TLCD3B: variants seen among roughly 807,000 people sequenced by gnomAD.
TLCD3B encodes the protein TLC domain containing 3B, also known as ceramide synthase.
A neutral mutation model predicts 23.0 loss-of-function variants in TLCD3B; 9 were observed. That is an observed-to-expected ratio of 0.39 (90% confidence interval 0.24 to 0.68). TLCD3B has a LOEUF of 0.68. Among genes scored for constraint, TLCD3B ranks in the 30% least tolerant of loss-of-function variants. The pLI is 0.44. For missense variants in TLCD3B, 307 were observed against 371.8 expected (o/e 0.83, Z 1.43); for synonymous variants, 161 against 161.0 (o/e 1.00, Z 0.00).
chr16:30,045,085 T>A (rs2071639414), intron 2 of TLCD3B, among the ~76,000 whole-genome samples: 1 of 66,778 alleles, frequency 1.5e-5, no homozygotes, highest in Non-Finnish European at 2.6e-5. Context: ...AAAGCAAGAC[T>A]CCATCTCAAA....
At chr16:30,032,466 C>T (rs940786769), upstream of TLCD3B, among the ~76,000 whole-genome samples, 1 of 152,042 alleles carries the variant, frequency 6.6e-6, no homozygotes, top group Non-Finnish European at 1.5e-5. Flanking sequence ...GATTTAGAGA[C>T]GGTTGTAGAG....
chr16:30,038,023 C>T (rs1399110960), intron 3 of TLCD3B, among the ~76,000 whole-genome samples: 1 of 152,200 alleles, frequency 6.6e-6, no homozygotes, highest in Non-Finnish European at 1.5e-5. Flanking sequence ...AGGGAACCTT[C>T]TGAAGTGTTG....
At chr16:30,035,763 T>TC (rs202157144), upstream of TLCD3B, among the ~76,000 whole-genome samples, 1 of 127,020 alleles carries the variant, frequency 7.9e-6, no homozygotes, top group Non-Finnish European at 1.7e-5. Context: ...TCTTTTCTTT[T>TC]TTCTTTTTTT....
chr16:30,041,490 C>A (rs1188837965), intron 2 of TLCD3B, among the ~76,000 whole-genome samples: 3 of 152,064 alleles, frequency 2.0e-5, no homozygotes, highest in Admixed American at 6.6e-5. Context: ...GGTCTGAACT[C>A]CTGACCTCAA....
Position 30,029,525 on chromosome 16 carries a change from A to C in TLCD3B, c.126-10T>G. The C allele has an allele frequency of 1.2e-6, 2 of 1,611,654 alleles. No individual in the cohort carries two copies. Among genetic ancestry groups the C allele is most frequent in the Non-Finnish European group, 1.7e-6 (2 of 1,178,216 alleles). ...GACAGAGGACACCAGCCTGGGGGAG[A>C]GAGGGAGGCGTGCTAGAAAGGCAGA... On this transcript the variant is annotated splice_polypyrimidine_tract_variant and intron_variant, in intron 1 of 4. Transcript: ENST00000380495. This position sits in a 1 kb window ranked among gnomAD's most constrained non-coding sequence, Gnocchi z 4.6.
Position 30,024,621 on chromosome 16 carries a change from T to C in TLCD3B, c.*562A>G. The C allele has an allele frequency of 3.9e-6, 1 of 256,034 alleles. No individual in the cohort carries two copies. Among genetic ancestry groups the C allele is most frequent in the East Asian group, 8.1e-5 (1 of 12,282 alleles). The allele number at this position is 256,034 out of a possible 1,614,324, so 15.9% of individuals were successfully genotyped here. Reference sequence around the variant, plus strand: ...CGGGGTTGTCAGCACTGGGAAGGCTTGGGGGTAGCAGCCACCTCCTTCCCC... The same window carrying C: ...CGGGGTTGTCAGCACTGGGAAGGCTCGGGGGTAGCAGCCACCTCCTTCCCC... On this transcript the variant is annotated 3_prime_UTR_variant, in exon 5 of 5. Transcript: ENST00000380495.
chr16:30,048,170 A>C (rs564701376), intron 1 of TLCD3B, among the ~76,000 whole-genome samples: 62 of 151,576 alleles, frequency 4.1e-4, no homozygotes, highest in East Asian at 1.2e-3. Flanking sequence ...ACCACCACCA[A>C]CAACAACAAA....
At chr16:30,047,163 GTCTGTCTA>G (rs1172009705) in intron 1 of TLCD3B, among the ~76,000 whole-genome samples, 1 of 148,744 alleles carries the variant, frequency 6.7e-6, no homozygotes, top group African/African-American at 2.6e-5. Flanking sequence ...CTGTCTGTCT[GTCTGTCTA>G]TCTATCTATC....
upstream of TLCD3B, among the ~76,000 whole-genome samples, chr16:30,031,925 A>G (rs1478081538): frequency 6.6e-6 from 1 of 152,182 alleles, no homozygotes; most frequent in Non-Finnish European, 1.5e-5. Context: ...CGGTGGCGAG[A>G]GCGCGGGGCA....
intron 2 of TLCD3B, among the ~76,000 whole-genome samples, chr16:30,045,511 GTGTGTGGTGTGTGTGGTA>G: frequency 7.3e-6 from 1 of 136,982 alleles, no homozygotes; most frequent in Non-Finnish European, 1.5e-5. Context: ...TATGGTGTGT[GTGTGTGGTGTGTGTGGTA>G]TGTGTGGTGT....
At chr16:30,039,313 G>A (rs2071537680) in intron 3 of TLCD3B, among the ~76,000 whole-genome samples, 1 of 151,726 alleles carries the variant, frequency 6.6e-6, no homozygotes, top group Non-Finnish European at 1.5e-5. Context: ...AGTAGATATG[G>A]GGTTTCTCCC....
chr16:30,041,703 C>G (rs1003209983), intron 2 of TLCD3B, among the ~76,000 whole-genome samples: 2 of 140,924 alleles, frequency 1.4e-5, no homozygotes, highest in Non-Finnish European at 3.0e-5. Flanking sequence ...GCTTGGGCCA[C>G]AGAGTGGGAC....
Position 30,025,692 on chromosome 16 carries a change from C to T in TLCD3B, c.540+34G>A, listed in dbSNP as rs560422069. ...GTCCCTCCCCTTCCTGTGACCTCCC[C>T]ATTGGGCTCCTGCACCCTCCCATGC... On this transcript the variant is annotated intron_variant, in intron 4 of 4. Coordinates refer to ENST00000380495, the MANE Select transcript of TLCD3B (RefSeq NM_031478.6). This position sits in a 1 kb window ranked among gnomAD's most constrained non-coding sequence, Gnocchi z 4.1. 3 of 1,604,118 alleles carry T rather than the reference C, an allele frequency of 1.9e-6. No individual in the cohort carries two copies. The highest frequency in any genetic ancestry group is 2.7e-5 in the African/African-American group (2 of 74,844).
intron 2 of TLCD3B, among the ~76,000 whole-genome samples, chr16:30,044,502 G>A (rs944069235): frequency 6.6e-6 from 1 of 151,638 alleles, no homozygotes; most frequent in Non-Finnish European, 1.5e-5. Flanking sequence ...AGTAGAGACA[G>A]GGTTTCAACC....
chr16:30,050,812 G>A (rs1245835277), intron 1 of TLCD3B, among the ~76,000 whole-genome samples: 2 of 152,194 alleles, frequency 1.3e-5, no homozygotes, highest in Admixed American at 6.6e-5. Context: ...CAGCTGTGGT[G>A]AGGTATGTTG....
Position 30,025,168 on chromosome 16 carries a change from T to G in TLCD3B, c.*15A>C, listed in dbSNP as rs1596728264. The G allele has an allele frequency of 2.8e-6, 4 of 1,404,144 alleles. No individual in the cohort carries two copies. Among genetic ancestry groups the G allele is most frequent in the East Asian group, 2.7e-5 (1 of 37,560 alleles). The allele number at this position is 1,404,144 out of a possible 1,614,324, so 87.0% of individuals were successfully genotyped here. A position where few individuals can be genotyped will look rare whatever the true frequency, so the allele number is the denominator to read the frequency against. ...GGGGTGGGGGTGGGGAGGGGGAGGG[T>G]CCCGGCCCCCGGCCTCAGTCCTGGG... On this transcript the variant is annotated 3_prime_UTR_variant, in exon 5 of 5. Coordinates refer to ENST00000380495, the MANE Select transcript of TLCD3B (RefSeq NM_031478.6). This position sits in a 1 kb window ranked among gnomAD's most constrained non-coding sequence, Gnocchi z 4.1.
At chr16:30,036,291 G>T (rs1021580128) in intron 3 of TLCD3B, 88 of 1,288,676 alleles carry the variant, frequency 6.8e-5, no homozygotes, top group Non-Finnish European at 8.7e-5. Context: ...ACAAAATAAA[G>T]CCAAAGCGAT....
upstream of TLCD3B, chr16:30,036,132 T>C (rs1208631736): frequency 2.2e-5 from 28 of 1,270,404 alleles, no homozygotes; most frequent in Non-Finnish European, 2.6e-5. Flanking sequence ...CTAAGTCACC[T>C]CTACCTTCTC....
intron 2 of TLCD3B, among the ~76,000 whole-genome samples, chr16:30,044,470 G>A (rs2071626195): frequency 6.6e-6 from 1 of 151,180 alleles, no homozygotes; most frequent in Non-Finnish European, 1.5e-5. Flanking sequence ...ACCACACTCG[G>A]CTAATTGTTT....
Sources: gnomAD v4.1 joint callset for allele counts (sites outside exome capture counted in the v4.1 genomes callset) on GRCh38, gnomAD v4.1.1 for gene constraint, Gnocchi (gnomAD v3.1) non-coding constraint, MANE v1.5 for transcripts, NCBI Gene and HGNC (gene_info 2026-07-23, HGNC 2026-07-21) for gene names.